The following ACTN4 variants were observed in gnomAD, a reference collection of about 807,000 sequenced individuals.
The protein encoded by ACTN4 is alpha-actinin-4.
A neutral mutation model predicts 114.2 loss-of-function variants in ACTN4; 18 were observed. The ratio of observed to expected loss-of-function variants is 0.16; its 90% CI spans 0.11 to 0.23. The LOEUF (loss-of-function observed/expected upper bound fraction) is 0.23. Ranked by LOEUF, ACTN4 falls within the 10% of genes least tolerant of loss-of-function variation. The pLI, the probability that ACTN4 is intolerant of heterozygous loss-of-function variation, is 1.00. For synonymous variants in ACTN4, 515 were observed against 506.3 expected (o/e 1.02, Z -0.23); for missense variants, 722 against 1,262.9 (o/e 0.57, Z 6.49).
At chr19:38,696,799 G>A (rs1190473804) in intron 1 of ACTN4, among the ~76,000 whole-genome samples, 2 of 152,196 alleles carry the variant, frequency 1.3e-5, no homozygotes, top group African/African-American at 4.8e-5. Context: ...GGATCTGGGT[G>A]GGAGTTCCCT....
chr19:38,647,994 C>G, intron 1 of ACTN4, 87 bp downstream of exon 1: 2 of 1,343,692 alleles, frequency 1.5e-6, no homozygotes, highest in Non-Finnish European at 1.9e-6. Flanking sequence ...GTAACTGGAG[C>G]GTCTGTGATG....
chr19:38,680,679 C>T (rs1967537719), intron 1 of ACTN4, among the ~76,000 whole-genome samples: 1 of 152,184 alleles, frequency 6.6e-6, no homozygotes, highest in Admixed American at 6.5e-5. Flanking sequence ...CCATCCGAGT[C>T]AGAAACCTTG....
At chr19:38,680,616 C>T (rs2144920067) in intron 1 of ACTN4, among the ~76,000 whole-genome samples, 1 of 152,282 alleles carries the variant, frequency 6.6e-6, no homozygotes, top group South Asian at 2.1e-4. Context: ...GTGTCTGAGA[C>T]CAAACTCATT....
chr19:38,731,581 C>G lies in ACTN4; in HGVS notation c.*2149C>G. 3.2e-6 allele frequency: 1 copy of G among 316,328 alleles called. No individual in the cohort carries two copies. Among genetic ancestry groups the G allele is most frequent in the South Asian group, 3.7e-5 (1 of 27,218 alleles). 19.6% of individuals were successfully genotyped at this position (316,328 alleles called of 1,614,324 possible). On this transcript the variant is annotated 3_prime_UTR_variant, in exon 21 of 21. Transcript: ENST00000252699. ...TGTGCAGCAAAAAATATAGTCAATC[C>G]CATATGGAGTCAGTTTCCTTACAGT...
intron 1 of ACTN4, among the ~76,000 whole-genome samples, chr19:38,670,076 T>C: frequency 6.6e-6 from 1 of 152,180 alleles, no homozygotes; most frequent in East Asian, 1.9e-4. Flanking sequence ...TATCTGGTAT[T>C]TCTAACATTT....
rs117152229 is a variant in ACTN4, at chr19:38,730,549, T to A, written c.*1117T>A. The stretch of plus-strand genomic sequence containing the variant: ...AAGAAGGATTCCTGCAGCATCATCT[T>A]TTTTTATTTCTCCTGTGTCTGTCCT... On this transcript the variant is annotated 3_prime_UTR_variant, in exon 21 of 21. Coordinates refer to ENST00000252699, the MANE Select transcript of ACTN4 (RefSeq NM_004924.6). 0.023 allele frequency: 10,712 copies of A among 471,808 alleles called. 218 individuals are homozygous for A. Among genetic ancestry groups the A allele is most frequent in the Admixed American group, 0.068 (1,868 of 27,312 alleles). The allele number at this position is 471,808 out of a possible 1,614,324, so 29.2% of individuals were successfully genotyped here. A position where few individuals can be genotyped will look rare whatever the true frequency, so the allele number is the denominator to read the frequency against.
At chr19:38,667,532 A>G (rs1320134224) in intron 1 of ACTN4, among the ~76,000 whole-genome samples, 1 of 152,066 alleles carries the variant, frequency 6.6e-6, no homozygotes, top group African/African-American at 2.4e-5. Flanking sequence ...TTTTTCAGAG[A>G]CAGCCTTTTT....
At chr19:38,676,789 C>T (rs1156470319) in intron 1 of ACTN4, among the ~76,000 whole-genome samples, 2 of 152,166 alleles carry the variant, frequency 1.3e-5, no homozygotes, top group African/African-American at 2.4e-5. Context: ...CCTGGAGCAC[C>T]AGTGGAGAAC....
intron 11 of ACTN4, 28 bp from the exon 12 acceptor site, chr19:38,721,499 TGCCGTGCTGTG>T: frequency 6.2e-7 from 1 of 1,611,760 alleles, no homozygotes; most frequent in Non-Finnish European, 8.5e-7. Flanking sequence ...GCCCCACAGC[TGCCGTGCTGTG>T]GTCTAAGCGT....
chr19:38,660,772 G>A (rs950373142), intron 1 of ACTN4, among the ~76,000 whole-genome samples: 11 of 152,316 alleles, frequency 7.2e-5, no homozygotes, highest in Middle Eastern at 3.4e-3. Flanking sequence ...GGGCCTTTAA[G>A]CCACTTGCCC....
chr19:38,713,112 CTG>C (rs1968716152), intron 8 of ACTN4, among the ~76,000 whole-genome samples: 1 of 152,194 alleles, frequency 6.6e-6, no homozygotes, highest in East Asian at 1.9e-4. Context: ...AGAGTGCTCT[CTG>C]GGGTTCATGT....
Position 38,717,352 on chromosome 19 carries a change from G to A in ACTN4, c.1143+36G>A. 6.2e-7 allele frequency: 1 copy of A among 1,605,044 alleles called. No homozygotes were observed. On this transcript the variant is annotated intron_variant, in intron 10 of 20. Transcript: ENST00000252699. The surrounding 1 kb of genome is among the most constrained non-coding windows in gnomAD (Gnocchi z 4.0). ...GGATTCACATGGGAGCAGCTGTGAG[G>A]GGCAGAGGCAGCCCTAGAACTGCCT... is the stretch of plus-strand genomic sequence containing the variant.
At chr19:38,649,516 G>T (rs1389741454) in intron 1 of ACTN4, among the ~76,000 whole-genome samples, 1 of 152,086 alleles carries the variant, frequency 6.6e-6, no homozygotes, top group East Asian at 1.9e-4. Flanking sequence ...TGAACTCTCC[G>T]GGCAGTTTTG....
chr19:38,687,009 G>C (rs906485742), intron 1 of ACTN4, among the ~76,000 whole-genome samples: 4 of 150,324 alleles, frequency 2.7e-5, no homozygotes, highest in African/African-American at 7.4e-5. Flanking sequence ...TGTTGCCCAG[G>C]CTGGAGTACA....
intron 1 of ACTN4, among the ~76,000 whole-genome samples, chr19:38,658,476 C>G (rs1226091350): frequency 6.6e-6 from 1 of 152,190 alleles, no homozygotes; most frequent in Non-Finnish European, 1.5e-5. Context: ...ATCCTTTTCT[C>G]TCTGTCACTC....
chr19:38,725,593 C>T (rs1435946373), intron 16 of ACTN4, 131 bp from the exon 17 acceptor site: 1 of 967,754 alleles, frequency 1.0e-6, no homozygotes, highest in African/African-American at 1.6e-5. Flanking sequence ...TCCCAGGGAC[C>T]CATGGGCCAA....
chr19:38,712,853 CTG>C (rs909011878), intron 8 of ACTN4, among the ~76,000 whole-genome samples: 2 of 152,168 alleles, frequency 1.3e-5, no homozygotes, highest in African/African-American at 4.8e-5. Context: ...GAACTCCAGT[CTG>C]GAGGCTCTGA....
At chr19:38,691,892 ACT>A (rs1377286331) in intron 1 of ACTN4, among the ~76,000 whole-genome samples, 1 of 152,076 alleles carries the variant, frequency 6.6e-6, no homozygotes, top group African/African-American at 2.4e-5. Flanking sequence ...ACACAGCGAG[ACT>A]CTGTCTCAAA....
intron 12 of ACTN4, 71 bp from the exon 13 acceptor site, chr19:38,723,543 G>A (rs566351652): frequency 2.6e-6 from 3 of 1,172,908 alleles, no homozygotes; most frequent in South Asian, 2.6e-5. Flanking sequence ...GGGAACCTTG[G>A]GGGTAGATGG....
Sources: gnomAD v4.1 joint callset for allele counts (sites outside exome capture counted in the v4.1 genomes callset) on GRCh38, gnomAD v4.1.1 for gene constraint, Gnocchi (gnomAD v3.1) non-coding constraint, MANE v1.5 for transcripts, NCBI Gene and HGNC (gene_info 2026-07-23, HGNC 2026-07-21) for gene names.